PTPRM: variants seen among roughly 807,000 people sequenced by gnomAD.
The protein encoded by PTPRM is receptor-type tyrosine-protein phosphatase mu.
PTPRM carries 47 observed loss-of-function variants against 186.7 expected under a neutral mutation model. The observed-to-expected ratio is 0.25, with a 90% CI of 0.20 to 0.32. The LOEUF (loss-of-function observed/expected upper bound fraction) is 0.32, where lower values mean the gene tolerates loss of function less well. Ranked by LOEUF, PTPRM falls within the 10% of genes least tolerant of loss-of-function variation. The pLI, the probability that PTPRM is intolerant of heterozygous loss-of-function variation, is 1.00. For synonymous variants in PTPRM, 668 were observed against 674.9 expected (o/e 0.99, Z 0.16); for missense variants, 1,494 against 1,865.0 (o/e 0.80, Z 3.66).
At chr18:8,276,852 GTA>G (rs1222834918) in intron 19 of PTPRM, among the ~76,000 whole-genome samples, 1 of 152,130 alleles carries the variant, frequency 6.6e-6, no homozygotes, top group East Asian at 1.9e-4. Context: ...GGTCTTCTAT[GTA>G]CATCAGATAC....
intron 14 of PTPRM, among the ~76,000 whole-genome samples, chr18:8,198,216 G>A (rs1363368422): frequency 6.6e-6 from 1 of 152,072 alleles, no homozygotes. Flanking sequence ...GCACAAACAT[G>A]GCTCACTGCA....
intron 14 of PTPRM, among the ~76,000 whole-genome samples, chr18:8,223,029 GC>G (rs1386799930): frequency 6.6e-6 from 1 of 152,082 alleles, no homozygotes; most frequent in Non-Finnish European, 1.5e-5. Flanking sequence ...TTCGAGACCA[GC>G]CTGGTCAACA....
rs554183186 is a variant in PTPRM, at chr18:7,783,918, C to G, written c.196+9647C>G. ...CACTGTGCCCAGCCCAGTGGCCTCT[C>G]TTTACTGGGGTGGATCCATGGAGTC... On this transcript the variant is annotated intron_variant, in intron 2 of 32. Transcript: ENST00000580170. Among the ~76,000 whole-genome samples, 5 of 152,088 alleles carry G rather than the reference C, an allele frequency of 3.3e-5. No individual in the cohort carries two copies. In the South Asian group the frequency reaches 1.0e-3, roughly 32 times the overall value.
At chr18:8,052,076 G>A (rs1463676458) in intron 7 of PTPRM, among the ~76,000 whole-genome samples, 2 of 152,200 alleles carry the variant, frequency 1.3e-5, no homozygotes, top group African/African-American at 4.8e-5. Context: ...TTCAGCTTCA[G>A]GAGGTCAGAA....
intron 11 of PTPRM, among the ~76,000 whole-genome samples, chr18:8,109,733 T>C (rs2091676054): frequency 1.3e-5 from 2 of 152,302 alleles, no homozygotes; most frequent in African/African-American, 4.8e-5. Flanking sequence ...TGACACCTAT[T>C]AGGCACTCAA....
intron 14 of PTPRM, among the ~76,000 whole-genome samples, chr18:8,198,897 A>C (rs1044061972): frequency 6.6e-6 from 1 of 152,172 alleles, no homozygotes; most frequent in Non-Finnish European, 1.5e-5. Flanking sequence ...TAATTTGTCC[A>C]TGTTACCAAT....
intron 2 of PTPRM, among the ~76,000 whole-genome samples, chr18:7,874,718 A>G (rs554643120): frequency 5.7e-4 from 87 of 152,324 alleles, no homozygotes; most frequent in African/African-American, 2.0e-3. Flanking sequence ...CACCCAGCCA[A>G]GCTTAGAGAT....
At chr18:8,387,515 A>AC (rs1482784408) in intron 31 of PTPRM, among the ~76,000 whole-genome samples, 1 of 151,450 alleles carries the variant, frequency 6.6e-6, no homozygotes, top group East Asian at 1.9e-4. Flanking sequence ...AAAAAAAAAA[A>AC]AACACTGGCT....
intron 14 of PTPRM, among the ~76,000 whole-genome samples, chr18:8,224,363 T>C (rs750147312): frequency 2.0e-5 from 3 of 152,238 alleles, no homozygotes; most frequent in Non-Finnish European, 4.4e-5. Flanking sequence ...AAACACTCAA[T>C]TACAAGTGCA....
intron 14 of PTPRM, among the ~76,000 whole-genome samples, chr18:8,163,800 A>C (rs1467705141): frequency 1.3e-5 from 2 of 152,336 alleles, no homozygotes; most frequent in Admixed American, 1.3e-4. Context: ...ACTTTTTCCT[A>C]ACACCAACAA....
intron 14 of PTPRM, among the ~76,000 whole-genome samples, chr18:8,236,040 A>C (rs936823456): frequency 1.3e-5 from 2 of 152,260 alleles, no homozygotes; most frequent in Non-Finnish European, 2.9e-5. Flanking sequence ...TATAATGTGT[A>C]TTCTGCTGCT....
At chr18:7,775,181 T>C (rs1437859107) in intron 2 of PTPRM, among the ~76,000 whole-genome samples, 1 of 152,226 alleles carries the variant, frequency 6.6e-6, no homozygotes, top group African/African-American at 2.4e-5. Flanking sequence ...GGTTTAACAG[T>C]ATGATGCTCA....
intron 14 of PTPRM, among the ~76,000 whole-genome samples, chr18:8,217,319 A>C (rs539262343): frequency 1.3e-5 from 2 of 152,284 alleles, no homozygotes; most frequent in East Asian, 3.9e-4. Flanking sequence ...ATCAAGAAGG[A>C]AGAGCAGAGG....
intron 31 of PTPRM, among the ~76,000 whole-genome samples, chr18:8,392,904 A>C (rs1174554145): frequency 6.6e-6 from 1 of 152,226 alleles, no homozygotes; most frequent in Admixed American, 6.5e-5. Context: ...AACAAATCAT[A>C]AAATAAATAA....
At chr18:7,576,727 T>C (rs1038018206) in intron 1 of PTPRM, among the ~76,000 whole-genome samples, 1 of 152,166 alleles carries the variant, frequency 6.6e-6, no homozygotes, top group African/African-American at 2.4e-5. Flanking sequence ...GTCTTCAGCC[T>C]CCCAAAGTGC....
intron 2 of PTPRM, among the ~76,000 whole-genome samples, chr18:7,828,224 CT>C (rs568918870): frequency 1.0e-3 from 149 of 146,800 alleles, no homozygotes; most frequent in Admixed American, 1.4e-3. Context: ...AGTTAGAATT[CT>C]TTTTTTTTTC....
chr18:8,182,284 G>A (rs1306341685), intron 14 of PTPRM, among the ~76,000 whole-genome samples: 1 of 152,122 alleles, frequency 6.6e-6, no homozygotes, highest in Non-Finnish European at 1.5e-5. Context: ...GCATGATGCT[G>A]AGGTTTGGGC....
chr18:8,225,998 G>A (rs1489191802), intron 14 of PTPRM, among the ~76,000 whole-genome samples: 1 of 152,046 alleles, frequency 6.6e-6, no homozygotes, highest in Non-Finnish European at 1.5e-5. Context: ...CTACAGAGTA[G>A]GAATATAGGC....
At chr18:8,044,893 G>A (rs372785295) in intron 7 of PTPRM, among the ~76,000 whole-genome samples, 1 of 152,032 alleles carries the variant, frequency 6.6e-6, no homozygotes. Context: ...TGAATCCCTC[G>A]TATATTGCTG....
Sources: gnomAD v4.1 joint callset for allele counts (sites outside exome capture counted in the v4.1 genomes callset) on GRCh38, gnomAD v4.1.1 for gene constraint, MANE v1.5 for transcripts, NCBI Gene and HGNC (gene_info 2026-07-23, HGNC 2026-07-21) for gene names.